The following DHX35 variants were observed in gnomAD, a reference collection of about 807,000 sequenced individuals.
DHX35 encodes probable ATP-dependent RNA helicase DHX35.
A neutral mutation model predicts 99.6 loss-of-function variants in DHX35; 84 were observed. That is an observed-to-expected ratio of 0.84 (90% CI 0.71 to 1.01). The LOEUF is 1.01. DHX35 is among the 50% of genes least tolerant of loss of function. DHX35 has a pLI of 0.00. For missense variants in DHX35, 852 were observed against 888.5 expected (o/e 0.96, Z 0.52); for synonymous variants, 331 against 316.2 (o/e 1.05, Z -0.50).
intron 19 of DHX35, among the ~76,000 whole-genome samples, chr20:39,028,944 A>C (rs980792631): frequency 1.3e-5 from 2 of 152,146 alleles, no homozygotes; most frequent in Admixed American, 6.6e-5. Context: ...GGTGTTTCTC[A>C]TGTGCTGGAT....
intron 4 of DHX35, among the ~76,000 whole-genome samples, chr20:38,988,282 GTGTA>G (rs2086279928): frequency 6.6e-6 from 1 of 152,056 alleles, no homozygotes; most frequent in Admixed American, 6.6e-5. Context: ...GTTTTTCATT[GTGTA>G]TGTTCTTATA....
intron 21 of DHX35, 109 bp downstream of exon 21, chr20:39,034,426 G>A (rs1021836156): frequency 4.7e-6 from 4 of 853,670 alleles, no homozygotes; most frequent in East Asian, 5.1e-5. Flanking sequence ...CCCCCTAGGG[G>A]TGCATAGGGT....
chr20:38,968,683 GACTAC>G (rs2085946022), intron 1 of DHX35, among the ~76,000 whole-genome samples: 1 of 152,146 alleles, frequency 6.6e-6, no homozygotes, highest in Admixed American at 6.5e-5. Flanking sequence ...GAGTAGCTGG[GACTAC>G]AGACACACAC....
intron 1 of DHX35, among the ~76,000 whole-genome samples, chr20:38,965,971 C>T (rs924051339): frequency 6.6e-6 from 1 of 152,172 alleles, no homozygotes; most frequent in Non-Finnish European, 1.5e-5. Flanking sequence ...AGCACACATA[C>T]ACAACTGAAG....
At chr20:38,989,995 G>T (rs778766216) in intron 5 of DHX35, among the ~76,000 whole-genome samples, 1 of 152,308 alleles carries the variant, frequency 6.6e-6, no homozygotes, top group South Asian at 2.1e-4. Context: ...AATGACCAAT[G>T]TAGTGATTTG....
intron 4 of DHX35, among the ~76,000 whole-genome samples, chr20:38,987,664 T>G (rs1476417491): frequency 6.6e-6 from 1 of 152,260 alleles, no homozygotes; most frequent in Non-Finnish European, 1.5e-5. Context: ...TGCAGAGATC[T>G]TGCTGTTGGA....
At chr20:39,016,172 A>G (rs2086782959) in intron 14 of DHX35, among the ~76,000 whole-genome samples, 1 of 152,222 alleles carries the variant, frequency 6.6e-6, no homozygotes, top group Non-Finnish European at 1.5e-5. Context: ...GGGTGCAGAG[A>G]TCACATGGCA....
At chr20:38,994,223 A>ATC (rs1174474355) in intron 7 of DHX35, among the ~76,000 whole-genome samples, 2 of 152,082 alleles carry the variant, frequency 1.3e-5, no homozygotes, top group East Asian at 3.9e-4. Context: ...ATTTCACTGA[A>ATC]TCTTTGCCAA....
intron 1 of DHX35, among the ~76,000 whole-genome samples, chr20:38,965,528 G>A (rs1404181018): frequency 6.6e-6 from 1 of 151,958 alleles, no homozygotes; most frequent in Non-Finnish European, 1.5e-5. Flanking sequence ...ATGTACAGTG[G>A]AGATCTACAG....
chr20:38,976,033 G>T (rs1256277316), intron 3 of DHX35, among the ~76,000 whole-genome samples: 1 of 152,214 alleles, frequency 6.6e-6, no homozygotes, highest in Non-Finnish European at 1.5e-5. Context: ...AACAGAGAGG[G>T]CCTGCTGTGT....
At chr20:39,020,977 T>C (rs1017883115) in intron 15 of DHX35, among the ~76,000 whole-genome samples, 15 of 152,152 alleles carry the variant, frequency 9.9e-5, no homozygotes, top group Admixed American at 9.8e-4. Flanking sequence ...AACAGGATTC[T>C]AAGTGTGGAC....
intron 18 of DHX35, among the ~76,000 whole-genome samples, chr20:39,027,442 T>C (rs1434779364): frequency 6.6e-6 from 1 of 152,174 alleles, no homozygotes; most frequent in African/African-American, 2.4e-5. Flanking sequence ...ATAAATGGGC[T>C]AAGGATTAGA....
At chr20:38,964,533 C>T (rs1006736350) in intron 1 of DHX35, among the ~76,000 whole-genome samples, 3 of 151,974 alleles carry the variant, frequency 2.0e-5, no homozygotes, top group South Asian at 4.1e-4. Context: ...CAGGTTCAAG[C>T]GATTCTCCTG....
chr20:39,027,552 A>G (rs1453494009), intron 18 of DHX35, among the ~76,000 whole-genome samples: 2 of 152,258 alleles, frequency 1.3e-5, no homozygotes, highest in African/African-American at 4.8e-5. Flanking sequence ...AAACATTGCT[A>G]GTAAGAATGC....
chr20:39,005,458 G>A (rs576071581), intron 11 of DHX35, among the ~76,000 whole-genome samples: 4 of 152,130 alleles, frequency 2.6e-5, no homozygotes, highest in African/African-American at 4.8e-5. Context: ...CTTTCACAGA[G>A]GCTCTGCCTG....
chr20:38,991,304 T>C, intron 5 of DHX35, 150 bp from the exon 6 acceptor site: 1 of 613,280 alleles, frequency 1.6e-6, no homozygotes, highest in Non-Finnish European at 2.7e-6. Context: ...CATTGCTTGA[T>C]AACGAAAATA....
At chr20:38,980,511 G>GTTTTTTTTTTTTT (rs397953645) in intron 3 of DHX35, among the ~76,000 whole-genome samples, 2 of 136,994 alleles carry the variant, frequency 1.5e-5, no homozygotes, top group African/African-American at 5.4e-5. Context: ...TTATAGTTCT[G>GTTTTTTTTTTTTT]TTTTTTTTTT....
chr20:38,982,553 G>A (rs2086189385), intron 3 of DHX35, among the ~76,000 whole-genome samples: 2 of 152,194 alleles, frequency 1.3e-5, no homozygotes, highest in South Asian at 4.1e-4. Flanking sequence ...ATGCATGGCT[G>A]TGATTCTCAG....
intron 19 of DHX35, chr20:39,029,455 G>C (rs1369154615): frequency 6.6e-6 from 1 of 150,548 alleles, no homozygotes; most frequent in Non-Finnish European, 1.5e-5. Flanking sequence ...CCGACTGTTG[G>C]AACTGCAGGA....
Sources: allele counts gnomAD v4.1 joint callset (sites outside exome capture counted in the v4.1 genomes callset), GRCh38; gene constraint gnomAD v4.1.1; transcripts MANE v1.5; gene names NCBI Gene and HGNC (gene_info 2026-07-23, HGNC 2026-07-21).